Variants in PTH2R observed in about 807,000 individuals in gnomAD.
PTH2R encodes the protein parathyroid hormone 2 receptor.
In PTH2R, 59 loss-of-function variants were observed where a neutral mutation model predicts 60.3. The ratio of observed to expected loss-of-function variants is 0.98; its 90% CI spans 0.79 to 1.22. PTH2R has a LOEUF of 1.22. PTH2R is among the 50% of genes most tolerant of loss of function. The pLI is 0.00. For missense variants in PTH2R, 749 were observed against 682.6 expected, an observed-to-expected ratio of 1.10 and a Z score of -1.08; for synonymous variants, 256 against 243.8, an observed-to-expected ratio of 1.05 and a Z score of -0.47.
intron 10 of PTH2R, among the ~76,000 whole-genome samples, chr2:208,487,032 A>G (rs962489163): frequency 6.6e-6 from 1 of 152,206 alleles, no homozygotes; most frequent in Non-Finnish European, 1.5e-5. Flanking sequence ...AATGAGGTGT[A>G]GGAAATGTAC....
chr2:208,489,079 C>T lies in PTH2R; in HGVS notation c.1144C>T (p.Leu382=). ...FGVHYIVFVC[L]PHSFTGLGWE... is the part of the protein sequence containing the mutation. ...AGTGCATTACATCGTGTTCGTATGC[C>T]TGCCTCACTCCTTCACTGGGCTCGG... Residue 382 remains leucine, a synonymous_variant, in exon 11 of 13, where the codon CTG becomes TTG. Coordinates refer to ENST00000272847, the MANE Select transcript of PTH2R (RefSeq NM_005048.4). 3.1e-6 allele frequency: 5 copies of T among 1,614,090 alleles called. No individual in the cohort carries two copies. Among genetic ancestry groups the T allele is most frequent in the Non-Finnish European group, 4.2e-6 (5 of 1,179,988 alleles).
chr2:208,425,363 G>A (rs1559215958), intron 1 of PTH2R, among the ~76,000 whole-genome samples: 1 of 152,134 alleles, frequency 6.6e-6, no homozygotes, highest in Non-Finnish European at 1.5e-5. Context: ...ATCCTCCAGT[G>A]TTCCATGCCA....
At chr2:208,492,275 C>T (rs867097197) in intron 12 of PTH2R, among the ~76,000 whole-genome samples, 50 of 152,168 alleles carry the variant, frequency 3.3e-4, no homozygotes, top group African/African-American at 1.1e-3. Flanking sequence ...AAATTGAGTA[C>T]CTTCTACGCC....
intron 5 of PTH2R, 79 bp downstream of exon 5, chr2:208,442,540 A>G (rs1255584585): frequency 6.2e-6 from 7 of 1,128,312 alleles, no homozygotes; most frequent in African/African-American, 1.5e-5. Flanking sequence ...GTCTCACAAT[A>G]TTTTCCAAAT....
intron 10 of PTH2R, among the ~76,000 whole-genome samples, chr2:208,488,450 T>C (rs1490361226): frequency 6.6e-6 from 1 of 152,170 alleles, no homozygotes; most frequent in Non-Finnish European, 1.5e-5. Context: ...AAGTCTCAAA[T>C]ATAGAAGTTA....
chr2:208,377,347 C>T (rs1257420335), intron 1 of PTH2R, among the ~76,000 whole-genome samples: 7 of 152,200 alleles, frequency 4.6e-5, no homozygotes, highest in South Asian at 4.1e-4. Flanking sequence ...CCACAAAAAC[C>T]GCCATCGTCA....
At chr2:208,406,489 CG>C (rs1320226971), upstream of PTH2R, among the ~76,000 whole-genome samples, 5 of 152,162 alleles carry the variant, frequency 3.3e-5, no homozygotes, top group South Asian at 4.1e-4. Flanking sequence ...TCGCTGTCCT[CG>C]GGGCCGATGG....
At chr2:208,486,410 A>C (rs1047773789) in intron 10 of PTH2R, among the ~76,000 whole-genome samples, 2 of 152,158 alleles carry the variant, frequency 1.3e-5, no homozygotes, top group African/African-American at 4.8e-5. Context: ...TCTGCATTGA[A>C]CCAAACTGTC....
intron 1 of PTH2R, among the ~76,000 whole-genome samples, chr2:208,390,039 T>A (rs1239665836): frequency 6.6e-6 from 1 of 152,160 alleles, no homozygotes; most frequent in African/African-American, 2.4e-5. Context: ...CCATTGGGAC[T>A]TCCAACCAGG....
chr2:208,471,889 AG>A (rs1350877135), intron 9 of PTH2R, among the ~76,000 whole-genome samples: 1 of 152,264 alleles, frequency 6.6e-6, no homozygotes, highest in Non-Finnish European at 1.5e-5. Context: ...GAGCTGCCCA[AG>A]GCCATTGGAG....
At chr2:208,459,794 G>A (rs569212507) in intron 8 of PTH2R, 101 bp from the exon 9 acceptor site, 1 of 888,664 alleles carries the variant, frequency 1.1e-6, no homozygotes. Flanking sequence ...TTCTTAATTG[G>A]AAGTGTGGGG....
chr2:208,492,539 A>T (rs1364406070), intron 12 of PTH2R, among the ~76,000 whole-genome samples: 2 of 152,134 alleles, frequency 1.3e-5, no homozygotes, highest in Admixed American at 1.3e-4. Context: ...GTTATTTAAG[A>T]TAGAATTCTA....
rs182113273 is a variant in PTH2R at position 208,370,202 on chromosome 2, G to A, written c.-259+9965G>A. ...CTCACGCCTGTAATCACAGCACTTC[G>A]GGAGGCCGAAGCGGGCGGATCATGA... On this transcript the variant is annotated intron_variant, in intron 1 of 12. Transcript: ENST00000617735. Among the ~76,000 whole-genome samples the A allele has an allele frequency of 6.8e-4, 104 of 152,102 alleles. 1 individual carries two copies. The highest frequency in any genetic ancestry group is 2.4e-3 in the African/African-American group (100 of 41,440).
intron 7 of PTH2R, 46 bp from the exon 8 acceptor site, chr2:208,450,703 T>C (rs1702388054): frequency 7.5e-6 from 12 of 1,591,324 alleles, no homozygotes; most frequent in East Asian, 2.2e-5. Flanking sequence ...AAAAACCTCC[T>C]TAATCTTAAA....
At chr2:208,385,971 T>G (rs1224335899) in intron 1 of PTH2R, among the ~76,000 whole-genome samples, 1 of 152,250 alleles carries the variant, frequency 6.6e-6, no homozygotes, top group East Asian at 1.9e-4. Flanking sequence ...AATCTGGGCA[T>G]TCATCATCAC....
chr2:208,490,317 T>A (rs1388571327), intron 11 of PTH2R, among the ~76,000 whole-genome samples: 1 of 152,094 alleles, frequency 6.6e-6, no homozygotes, highest in Non-Finnish European at 1.5e-5. Flanking sequence ...GCTTATAACT[T>A]CCTCTTACCA....
At chr2:208,372,278 G>T (rs1408594538) in intron 1 of PTH2R, among the ~76,000 whole-genome samples, 3 of 152,080 alleles carry the variant, frequency 2.0e-5, no homozygotes, top group Admixed American at 1.3e-4. Context: ...TCACTTGATT[G>T]ATTTAAGAGA....
chr2:208,469,734 C>T (rs1460878281), intron 9 of PTH2R: 1 of 152,220 alleles, frequency 6.6e-6, no homozygotes, highest in Non-Finnish European at 1.5e-5. Context: ...AATCATTTAT[C>T]AGACACCTGT....
At chr2:208,366,458 C>T (rs1190785928) in intron 1 of PTH2R, among the ~76,000 whole-genome samples, 1 of 152,158 alleles carries the variant, frequency 6.6e-6, no homozygotes, top group African/African-American at 2.4e-5. Flanking sequence ...TTTTTACCTT[C>T]TCACCTTGCA....
Sources: gnomAD v4.1 joint callset for allele counts (sites outside exome capture counted in the v4.1 genomes callset) on GRCh38, gnomAD v4.1.1 for gene constraint, MANE v1.5 for transcripts, NCBI Gene and HGNC (gene_info 2026-07-23, HGNC 2026-07-21) for gene names.